MAST4: variants seen among roughly 807,000 people sequenced by gnomAD.
The protein encoded by MAST4 is microtubule-associated serine/threonine-protein kinase 4.
In MAST4, 89 loss-of-function variants were observed where a neutral mutation model predicts 162.7. The observed-to-expected ratio is 0.55, with a 90% CI of 0.46 to 0.65. The LOEUF (loss-of-function observed/expected upper bound fraction) is 0.65, where lower values mean the gene tolerates loss of function less well. Ranked by LOEUF, MAST4 falls within the 30% of genes least tolerant of loss-of-function variation. The probability of loss-of-function intolerance (pLI) is 0.00; values close to 1 mark genes in which losing one functional copy is unlikely to be tolerated. For missense variants in MAST4, 3,153 were observed against 3,374.0 expected (o/e 0.93, Z 1.62); for synonymous variants, 1,479 against 1,361.1 (o/e 1.09, Z -1.91).
At chr5:67,066,609 C>T (rs1389724869) in intron 5 of MAST4, among the ~76,000 whole-genome samples, 1 of 152,058 alleles carries the variant, frequency 6.6e-6, no homozygotes, top group Non-Finnish European at 1.5e-5. Flanking sequence ...AGTGCCATAA[C>T]TGCCTCCCCC....
At chr5:66,891,825 A>T (rs1762381924) in intron 3 of MAST4, among the ~76,000 whole-genome samples, 1 of 152,252 alleles carries the variant, frequency 6.6e-6, no homozygotes, top group African/African-American at 2.4e-5. Flanking sequence ...ACTAGAAAAC[A>T]CAAGTTAAAC....
chr5:66,919,158 T>G (rs1467277760), intron 4 of MAST4, among the ~76,000 whole-genome samples: 1 of 150,590 alleles, frequency 6.6e-6, no homozygotes, highest in Non-Finnish European at 1.5e-5. Flanking sequence ...TTCCTTCTAA[T>G]TTTAATAGTC....
chr5:66,844,879 A>G (rs1758700718), intron 3 of MAST4, among the ~76,000 whole-genome samples: 1 of 151,812 alleles, frequency 6.6e-6, no homozygotes, highest in South Asian at 2.1e-4. Context: ...AGAAATTCAA[A>G]GGGAAAGATC....
At chr5:66,880,511 C>T (rs1185465119) in intron 3 of MAST4, among the ~76,000 whole-genome samples, 1 of 152,164 alleles carries the variant, frequency 6.6e-6, no homozygotes, top group African/African-American at 2.4e-5. Context: ...TCATTCTGAG[C>T]CAGCTGCTAA....
At chr5:66,912,221 AG>A (rs1483730579) in intron 4 of MAST4, among the ~76,000 whole-genome samples, 6 of 152,180 alleles carry the variant, frequency 3.9e-5, no homozygotes, top group African/African-American at 9.7e-5. Flanking sequence ...GGACAAAGTG[AG>A]GGAGAGTTTT....
rs183531858 is a variant in MAST4, at chr5:67,054,370, T to C, written c.675-34T>C. 2.9e-4 allele frequency: 453 copies of C among 1,549,596 alleles called. 3 individuals carry two copies. Among genetic ancestry groups the C allele is most frequent in the South Asian group, 9.0e-4 (75 of 83,332 alleles). ...GTTGAACATTATTGATGCTATATTCTTTTTAAACTTTGTTTTTTCTTTCTT... is the reference window on the plus strand; with the variant it reads ...GTTGAACATTATTGATGCTATATTCCTTTTAAACTTTGTTTTTTCTTTCTT... On this transcript the variant is annotated intron_variant, in intron 4 of 28. Transcript: ENST00000403625.
intron 19 of MAST4, among the ~76,000 whole-genome samples, chr5:67,139,195 C>T (rs116162344): frequency 2.0e-5 from 3 of 152,170 alleles, no homozygotes; most frequent in Admixed American, 6.5e-5. Flanking sequence ...CTGAGAATCC[C>T]GCAGGCCTGC....
At chr5:66,850,626 C>A (rs973960444) in intron 3 of MAST4, among the ~76,000 whole-genome samples, 2 of 152,166 alleles carry the variant, frequency 1.3e-5, no homozygotes, top group African/African-American at 4.8e-5. Flanking sequence ...AAATTACCTT[C>A]AGGATATGTG....
At chr5:67,048,694 A>G (rs2150524916) in intron 4 of MAST4, among the ~76,000 whole-genome samples, 1 of 152,074 alleles carries the variant, frequency 6.6e-6, no homozygotes, top group South Asian at 2.1e-4. Context: ...ATTCATTTAC[A>G]TTATTATGGA....
Position 67,158,557 on chromosome 5 carries a change from G to C in MAST4, c.3649-1899G>C, listed in dbSNP as rs541456104. Among the ~76,000 whole-genome samples the C allele has an allele frequency of 1.5e-3, 224 of 151,612 alleles. 1 individual carries two copies. Among genetic ancestry groups the C allele is most frequent in the African/African-American group, 5.1e-3 (211 of 41,328 alleles). ...CTGCACTCCAACCTGGGCAATAGAGGAAGACCCCATCTCAAAAAAATTTTT... is the reference window on the plus strand; with the variant it reads ...CTGCACTCCAACCTGGGCAATAGAGCAAGACCCCATCTCAAAAAAATTTTT... On this transcript the variant is annotated intron_variant, in intron 26 of 28. Transcript: ENST00000403625.
At chr5:66,834,602 G>A (rs1757833811) in intron 3 of MAST4, among the ~76,000 whole-genome samples, 1 of 152,152 alleles carries the variant, frequency 6.6e-6, no homozygotes, top group Admixed American at 6.5e-5. Flanking sequence ...CTTACTCTTA[G>A]CATTTTGCAA....
At chr5:67,134,431 A>T (rs146632301) in intron 17 of MAST4, 92 bp from the exon 18 acceptor site, 2 of 1,213,840 alleles carry the variant, frequency 1.6e-6, no homozygotes. Context: ...GAGCAGGTGC[A>T]TTCTGGGCAA....
At position 66,895,455 on chromosome 5, in the gene MAST4, G is replaced by A. The variant is rs73765791; in HGVS notation, c.643-4496G>A. On this transcript the variant is annotated intron_variant, in intron 3 of 28. Transcript: ENST00000403625. The stretch of plus-strand genomic sequence containing the variant: ...CCCAGATTCGTTTGTCTAGTTGCCT[G>A]TTTGGAATCTTCTACTTGGAATTCT... Among the ~76,000 whole-genome samples the A allele has an allele frequency of 8.1e-3, 1,236 of 152,138 alleles. 18 individuals are homozygous for A. Among genetic ancestry groups the A allele is most frequent in the African/African-American group, 0.028 (1,156 of 41,498 alleles).
chr5:66,759,891 G>A (rs1753757285), intron 2 of MAST4, 29 bp downstream of exon 2: 1 of 1,611,520 alleles, frequency 6.2e-7, no homozygotes, highest in Non-Finnish European at 8.5e-7. Flanking sequence ...GATGAGAGAA[G>A]GAATTGCATT....
At chr5:66,750,663 T>C (rs1753087941) in intron 1 of MAST4, among the ~76,000 whole-genome samples, 1 of 152,186 alleles carries the variant, frequency 6.6e-6, no homozygotes, top group Non-Finnish European at 1.5e-5. Flanking sequence ...GGAGTCTCCC[T>C]GATTGCTAGC....
intron 1 of MAST4, among the ~76,000 whole-genome samples, chr5:66,656,864 T>C (rs1413010444): frequency 2.0e-5 from 3 of 152,202 alleles, no homozygotes; most frequent in Non-Finnish European, 2.9e-5. Context: ...AAAACACCTT[T>C]GTTTATACCT....
chr5:66,938,539 A>G (rs1379214893), intron 4 of MAST4, among the ~76,000 whole-genome samples: 1 of 152,192 alleles, frequency 6.6e-6, no homozygotes, highest in African/African-American at 2.4e-5. Context: ...GAGTTGGGCA[A>G]AGGTCCACCA....
intron 4 of MAST4, among the ~76,000 whole-genome samples, chr5:66,938,846 C>A (rs1424154058): frequency 1.3e-5 from 2 of 152,084 alleles, no homozygotes; most frequent in Non-Finnish European, 2.9e-5. Context: ...ATACAACTGG[C>A]AGGTTGGGGA....
intron 3 of MAST4, among the ~76,000 whole-genome samples, chr5:66,812,758 C>T (rs763615738): frequency 6.6e-6 from 1 of 152,110 alleles, no homozygotes; most frequent in Non-Finnish European, 1.5e-5. Context: ...CTGTGTGCTG[C>T]GGGGCGCTGT....
Sources: allele counts gnomAD v4.1 joint callset (sites outside exome capture counted in the v4.1 genomes callset), GRCh38; gene constraint gnomAD v4.1.1; transcripts MANE v1.5; gene names NCBI Gene and HGNC (gene_info 2026-07-23, HGNC 2026-07-21).